The following SPPL2A variants were observed in gnomAD, a reference collection of about 807,000 sequenced individuals.
The protein encoded by SPPL2A is signal peptide peptidase like 2A, also known as signal peptide peptidase-like 2A.
A neutral mutation model predicts 63.8 loss-of-function variants in SPPL2A; 51 were observed. That is an observed-to-expected ratio of 0.80 (90% CI 0.64 to 1.01). The LOEUF is 1.01. Among genes scored for constraint, SPPL2A ranks in the 50% least tolerant of loss-of-function variants. The probability of loss-of-function intolerance (pLI) is 0.00; values close to 1 mark genes in which losing one functional copy is unlikely to be tolerated. For synonymous variants in SPPL2A, 188 were observed against 205.8 expected (o/e 0.91, Z 0.74); for missense variants, 553 against 622.7 (o/e 0.89, Z 1.19).
In SPPL2A at chr15:50,765,509, G is replaced by A. The variant is rs1417126330; in HGVS notation, c.25C>T (p.Pro9Ser). Residue 9 changes from proline to serine, a missense_variant, in exon 1 of 15, where the codon CCT becomes TCT. Coordinates refer to ENST00000261854, the MANE Select transcript of SPPL2A (RefSeq NM_032802.4). MGPQRRLS[P>S]AGAALLWGFL... is the part of the protein sequence containing the mutation. Reference sequence around the variant, plus strand: ...CCCCAGAGTAGGGCGGCCCCGGCAGGGGACAGCCGCCGCTGCGGCCCCATC... The same window carrying A: ...CCCCAGAGTAGGGCGGCCCCGGCAGAGGACAGCCGCCGCTGCGGCCCCATC... The A allele has an allele frequency of 6.7e-7, 1 of 1,500,874 alleles. No individual in the cohort carries two copies. Among genetic ancestry groups the A allele is most frequent in the Non-Finnish European group, 8.8e-7 (1 of 1,132,698 alleles). The allele number at this position is 1,500,874 out of a possible 1,614,324, so 93.0% of individuals were successfully genotyped here.
chr15:50,729,161 C>G (rs920969089), intron 10 of SPPL2A, among the ~76,000 whole-genome samples: 4 of 152,080 alleles, frequency 2.6e-5, no homozygotes, highest in African/African-American at 9.7e-5. Context: ...CCATGTTGGC[C>G]AGGCTGGTCT....
At chr15:50,708,716 A>G (rs2141015598) in intron 14 of SPPL2A, among the ~76,000 whole-genome samples, 1 of 150,406 alleles carries the variant, frequency 6.6e-6, no homozygotes, top group East Asian at 2.0e-4. Context: ...AAAAAAAAAA[A>G]ATACATTTGC....
chr15:50,705,990 T>G lies in SPPL2A; in HGVS notation c.*1810A>C, dbSNP rs1722566135. 1 of 152,186 alleles carries G rather than the reference T, an allele frequency of 6.6e-6. No homozygotes were observed. The highest frequency in any genetic ancestry group is 2.4e-5 in the African/African-American group (1 of 41,446). 9.4% of individuals were successfully genotyped at this position (152,186 alleles called of 1,614,324 possible). On this transcript the variant is annotated 3_prime_UTR_variant, in exon 15 of 15. Coordinates refer to ENST00000261854, the MANE Select transcript of SPPL2A (RefSeq NM_032802.4). ...ATTTGACCTCTGACTTCCAGGAGAATGTTCAGGCCACATCTAAAATTTACC... is the reference window on the plus strand; with the variant it reads ...ATTTGACCTCTGACTTCCAGGAGAAGGTTCAGGCCACATCTAAAATTTACC...
chr15:50,717,686 T>A (rs2062608096), intron 14 of SPPL2A, among the ~76,000 whole-genome samples: 2 of 152,142 alleles, frequency 1.3e-5, no homozygotes, highest in South Asian at 4.1e-4. Context: ...ATTATAGCCA[T>A]CCTAACCTTC....
intron 1 of SPPL2A, among the ~76,000 whole-genome samples, chr15:50,750,831 T>C (rs1268486560): frequency 2.0e-5 from 3 of 152,214 alleles, no homozygotes; most frequent in Non-Finnish European, 1.5e-5. Context: ...AGCAAATCTT[T>C]TTCTAAACCC....
intron 13 of SPPL2A, among the ~76,000 whole-genome samples, chr15:50,720,747 C>T (rs572914705): frequency 2.6e-5 from 4 of 151,704 alleles, no homozygotes; most frequent in Admixed American, 2.0e-4. Context: ...CTCAAACTCC[C>T]GACCTCAGGT....
intron 1 of SPPL2A, among the ~76,000 whole-genome samples, chr15:50,757,704 T>C (rs2062972403): frequency 6.6e-6 from 1 of 152,210 alleles, no homozygotes; most frequent in Admixed American, 6.5e-5. Flanking sequence ...TCATGAACAA[T>C]TTTAATTTAC....
intron 2 of SPPL2A, 60 bp downstream of exon 2, chr15:50,749,576 G>T (rs2414068): frequency 8.8e-7 from 1 of 1,132,554 alleles, no homozygotes; most frequent in Non-Finnish European, 1.3e-6. Context: ...ATGAGCCACC[G>T]TGCCCAGCCT....
At position 50,705,757 on chromosome 15, in the gene SPPL2A, T is replaced by C. The variant is rs2062503111; in HGVS notation, c.*2043A>G. 1.3e-5 allele frequency: 2 copies of C among 152,222 alleles called. No individual in the cohort carries two copies. The highest frequency in any genetic ancestry group is 1.9e-4 in the East Asian group (1 of 5,206). 9.4% of individuals were successfully genotyped at this position (152,222 alleles called of 1,614,324 possible). A position where few individuals can be genotyped will look rare whatever the true frequency, so the allele number is the denominator to read the frequency against. ...CGAACAATTTTTAAAAAGTCTCTAATGCAAAATTTAGTTCAAGTATCAAAG... is the reference window on the plus strand; with the variant it reads ...CGAACAATTTTTAAAAAGTCTCTAACGCAAAATTTAGTTCAAGTATCAAAG... On this transcript the variant is annotated 3_prime_UTR_variant, in exon 15 of 15. Coordinates refer to ENST00000261854, the MANE Select transcript of SPPL2A (RefSeq NM_032802.4).
At position 50,703,345 on chromosome 15, in the gene SPPL2A, T is replaced by TAC. The variant is rs1320826359; in HGVS notation, c.*4453_*4454dup. 2.8e-4 allele frequency: 24 copies of TAC among 87,206 alleles called. 1 individual carries two copies. In the South Asian group the frequency reaches 7.9e-3, roughly 29 times the overall value. 5.4% of individuals were successfully genotyped at this position (87,206 alleles called of 1,614,324 possible). On this transcript the variant is annotated 3_prime_UTR_variant, in exon 15 of 15. Coordinates refer to ENST00000261854, the MANE Select transcript of SPPL2A (RefSeq NM_032802.4). ...ATATACATATATATATATATATATA[T>TAC]ACATATATATATTTTTTTTTTTTTT...
chr15:50,738,633 G>C (rs1216022784), intron 6 of SPPL2A, among the ~76,000 whole-genome samples: 2 of 151,634 alleles, frequency 1.3e-5, no homozygotes, highest in African/African-American at 4.8e-5. Flanking sequence ...ATACACATAA[G>C]CATGGTAGCC....
Position 50,748,501 on chromosome 15 carries a change from G to C in SPPL2A, c.360+187C>G, listed in dbSNP as rs1005870749. Among the ~76,000 whole-genome samples the C allele has an allele frequency of 7.9e-5, 12 of 151,680 alleles. 1 individual carries two copies. Among genetic ancestry groups the C allele is most frequent in the African/African-American group, 2.9e-4 (12 of 41,350 alleles). On this transcript the variant is annotated intron_variant, in intron 3 of 14. Coordinates refer to ENST00000261854, the MANE Select transcript of SPPL2A (RefSeq NM_032802.4). ...TCCTAACAAAGTCTTGTCTGCTCTAGGAATAGAAAAACTGAAAAACTTTCC... is the reference window on the plus strand; with the variant it reads ...TCCTAACAAAGTCTTGTCTGCTCTACGAATAGAAAAACTGAAAAACTTTCC...
At position 50,712,679 on chromosome 15, in the gene SPPL2A, C is replaced by CT. The variant is rs1555440537; in HGVS notation, c.1489-4806dup. 8.2e-3 allele frequency among the ~76,000 whole-genome samples: 842 copies of CT among 102,766 alleles called. 10 individuals carry two copies. The highest frequency in any genetic ancestry group is 0.015 in the African/African-American group (360 of 23,820). The allele number at this position is 102,766 out of a possible 152,430, so 67.4% of individuals were successfully genotyped here. Reference sequence around the variant, plus strand: ...TCCCTTCCTCCCTCCCTCCCCCCCCCTTTTTTTTTTTTTTTCTCGAGGCGG... The same window carrying CT: ...TCCCTTCCTCCCTCCCTCCCCCCCCCTTTTTTTTTTTTTTTTCTCGAGGCGG... On this transcript the variant is annotated intron_variant, in intron 14 of 14. Coordinates refer to ENST00000261854, the MANE Select transcript of SPPL2A (RefSeq NM_032802.4).
chr15:50,754,265 A>G (rs1223200360), intron 1 of SPPL2A, among the ~76,000 whole-genome samples: 1 of 152,206 alleles, frequency 6.6e-6, no homozygotes, highest in Non-Finnish European at 1.5e-5. Context: ...ATGAACCTCC[A>G]TTGACACATC....
At chr15:50,721,956 C>G (rs1379379658) in intron 13 of SPPL2A, among the ~76,000 whole-genome samples, 168 bp downstream of exon 13, 1 of 152,022 alleles carries the variant, frequency 6.6e-6, no homozygotes, top group African/African-American at 2.4e-5. Context: ...CCAGGCTCAT[C>G]TAGAACTCCT....
rs2062489626 is a variant in SPPL2A, at chr15:50,703,351, T to TAC, written c.*4448_*4449insGT. On this transcript the variant is annotated 3_prime_UTR_variant, in exon 15 of 15. Coordinates refer to ENST00000261854, the MANE Select transcript of SPPL2A (RefSeq NM_032802.4). ...ATATATATATATATATATATACATA[T>TAC]ATATATTTTTTTTTTTTTTTTTTTT... 1 of 81,018 alleles carries TAC rather than the reference T, an allele frequency of 1.2e-5. No individual in the cohort carries two copies. The highest frequency in any genetic ancestry group is 4.4e-4 in the South Asian group (1 of 2,248). 5.0% of individuals were successfully genotyped at this position (81,018 alleles called of 1,614,324 possible). A position where few individuals can be genotyped will look rare whatever the true frequency, so the allele number is the denominator to read the frequency against.
intron 1 of SPPL2A, among the ~76,000 whole-genome samples, chr15:50,763,388 G>A (rs550278715): frequency 2.8e-4 from 42 of 152,254 alleles, no homozygotes; most frequent in African/African-American, 1.0e-3. Flanking sequence ...AAAAATCAGT[G>A]ATACTAGCTG....
intron 1 of SPPL2A, 158 bp from the exon 2 acceptor site, chr15:50,749,904 T>C (rs2062893428): frequency 3.3e-6 from 2 of 612,142 alleles, no homozygotes; most frequent in Admixed American, 2.8e-5. Context: ...ATAAAAAGGA[T>C]GGTTAGGAAT....
intron 1 of SPPL2A, among the ~76,000 whole-genome samples, chr15:50,756,704 A>T (rs1183611560): frequency 4.6e-5 from 7 of 152,162 alleles, no homozygotes; most frequent in African/African-American, 7.2e-5. Context: ...TGGGCAACAT[A>T]GCCAGACCCC....
Sources: allele counts gnomAD v4.1 joint callset (sites outside exome capture counted in the v4.1 genomes callset), GRCh38; gene constraint gnomAD v4.1.1; transcripts MANE v1.5; gene names NCBI Gene and HGNC (gene_info 2026-07-23, HGNC 2026-07-21).